VPS37A: variants seen among roughly 807,000 people sequenced by gnomAD.
VPS37A encodes the protein vacuolar protein sorting-associated protein 37A.
Under a neutral mutation model 49.8 loss-of-function variants are expected in VPS37A, and 30 were observed. The ratio of observed to expected loss-of-function variants is 0.60; its 90% CI spans 0.45 to 0.82. The LOEUF is 0.82. VPS37A is among the 40% of genes least tolerant of loss of function. The probability of loss-of-function intolerance (pLI) is 0.00; values close to 1 mark genes in which losing one functional copy is unlikely to be tolerated. For missense variants in VPS37A, 593 were observed against 464.4 expected (o/e 1.28, Z -2.55); for synonymous variants, 195 against 160.6 (o/e 1.21, Z -1.62).
At chr8:17,302,977 C>G (rs1321265068), downstream of VPS37A, among the ~76,000 whole-genome samples, 1 of 152,046 alleles carries the variant, frequency 6.6e-6, no homozygotes, top group Non-Finnish European at 1.5e-5. Context: ...TCCCAAAGTG[C>G]TGGGATTATA....
chr8:17,326,531 G>C, the VPS37A span: 1 of 152,178 alleles, frequency 6.6e-6, no homozygotes, highest in Non-Finnish European at 1.5e-5. Context: ...ATGATAAAAA[G>C]TGCTAGGTTA....
At chr8:17,274,991 A>G (rs756126698) in intron 5 of VPS37A, 33 bp downstream of exon 5, 3 of 1,585,724 alleles carry the variant, frequency 1.9e-6, no homozygotes, top group Non-Finnish European at 2.6e-6. Context: ...ATTTTGTGCC[A>G]CTGAAACATT....
At chr8:17,306,166 G>C (rs770178033), downstream of VPS37A, among the ~76,000 whole-genome samples, 1 of 152,042 alleles carries the variant, frequency 6.6e-6, no homozygotes, top group East Asian at 1.9e-4. Flanking sequence ...GAAGGGATGC[G>C]TTCACGTTAT....
At chr8:17,285,431 G>C (rs1815500622) in intron 10 of VPS37A, among the ~76,000 whole-genome samples, 1 of 152,134 alleles carries the variant, frequency 6.6e-6, no homozygotes, top group Admixed American at 6.5e-5. Flanking sequence ...TGATATTTCT[G>C]TTGTATTTAA....
Position 17,267,893 on chromosome 8 carries a change from T to G in VPS37A, c.201-365T>G, listed in dbSNP as rs114440578. On this transcript the variant is annotated intron_variant, in intron 2 of 11. Coordinates refer to ENST00000324849, the MANE Select transcript of VPS37A (RefSeq NM_152415.3). Reference sequence around the variant, plus strand: ...TGGCTAGAACCTGTGGTCCAATAAATAGCCAGACTGGACTAGTATGGTTCA... The same window carrying G: ...TGGCTAGAACCTGTGGTCCAATAAAGAGCCAGACTGGACTAGTATGGTTCA... Among the ~76,000 whole-genome samples the G allele has an allele frequency of 1.0e-3, 155 of 152,290 alleles. 1 individual carries two copies. The highest frequency in any genetic ancestry group is 3.6e-3 in the African/African-American group (150 of 41,562).
chr8:17,252,433 C>T (rs1363258045), intron 1 of VPS37A, among the ~76,000 whole-genome samples: 1 of 152,172 alleles, frequency 6.6e-6, no homozygotes, highest in Non-Finnish European at 1.5e-5. Context: ...CTGGCTTGGC[C>T]TCCCAAAGTG....
At chr8:17,288,392 C>T (rs559495525) in intron 11 of VPS37A, among the ~76,000 whole-genome samples, 1 of 152,244 alleles carries the variant, frequency 6.6e-6, no homozygotes, top group East Asian at 1.9e-4. Flanking sequence ...CCCCAACAGG[C>T]TCCAGTGTGT....
the VPS37A span, among the ~76,000 whole-genome samples, chr8:17,325,339 G>T: frequency 1.3e-5 from 2 of 152,096 alleles, no homozygotes; most frequent in East Asian, 1.9e-4. Context: ...TTTCCACACC[G>T]AATGAAGATT....
At chr8:17,302,434 C>T, downstream of VPS37A, 4 of 767,256 alleles carry the variant, frequency 5.2e-6, no homozygotes, top group Non-Finnish European at 7.8e-6. Flanking sequence ...GTAATAATTT[C>T]ATGTTGATGT....
downstream of VPS37A, among the ~76,000 whole-genome samples, chr8:17,303,835 C>G (rs1225883460): frequency 1.3e-5 from 2 of 152,128 alleles, no homozygotes; most frequent in African/African-American, 4.8e-5. Flanking sequence ...GTCTTGAACT[C>G]CTGACCTAGG....
At chr8:17,313,994 G>T in the VPS37A span, among the ~76,000 whole-genome samples, 2 of 152,312 alleles carry the variant, frequency 1.3e-5, no homozygotes, top group East Asian at 3.9e-4. Context: ...GAGCATCAGG[G>T]TAGAGGCTTT....
Position 17,280,042 on chromosome 8 carries a change from C to G in VPS37A, c.728C>G (p.Thr243Arg). ...ELSELSVSQL[T>R]DMNEQEEVLL... ...TGTGTTTCTAGTGTGTCACAACTCA[C>G]AGATATGAATGAACAAGAGGAGGTA... is the stretch of plus-strand genomic sequence containing the variant. The change falls in exon 7 of 12, where the codon ACA (threonine) becomes AGA (arginine). Residue 243 changes from threonine to arginine, a missense_variant. Coordinates refer to ENST00000324849, the MANE Select transcript of VPS37A (RefSeq NM_152415.3). The G allele has an allele frequency of 6.2e-7, 1 of 1,610,814 alleles. No homozygotes were observed. The highest frequency in any genetic ancestry group is 8.5e-7 in the Non-Finnish European group (1 of 1,178,572).
intron 4 of VPS37A, among the ~76,000 whole-genome samples, chr8:17,273,593 C>G (rs1167445616): frequency 2.0e-5 from 3 of 152,076 alleles, no homozygotes; most frequent in South Asian, 2.1e-4. Context: ...GTCTCGATCC[C>G]CTGACCTCAT....
At chr8:17,298,032 T>C (rs367807613), downstream of VPS37A, 10 of 152,214 alleles carry the variant, frequency 6.6e-5, no homozygotes, top group African/African-American at 2.4e-4. Flanking sequence ...ATAGATACTT[T>C]GTCATTTTTT....
the VPS37A span, among the ~76,000 whole-genome samples, chr8:17,319,328 A>G: frequency 3.9e-5 from 6 of 152,200 alleles, no homozygotes; most frequent in African/African-American, 7.2e-5. Context: ...CATAAAGAAG[A>G]TTCCCGAAAA....
At chr8:17,313,771 G>A in the VPS37A span, among the ~76,000 whole-genome samples, 10 of 152,124 alleles carry the variant, frequency 6.6e-5, no homozygotes, top group African/African-American at 2.4e-4. Flanking sequence ...GTGCTATGAG[G>A]AAAAAAATCA....
Position 17,280,386 on chromosome 8 carries a change from T to C in VPS37A, c.912T>C (p.Leu304=), listed in dbSNP as rs960102647. The C allele has an allele frequency of 7.5e-6, 12 of 1,609,600 alleles. No homozygotes were observed. Among genetic ancestry groups the C allele is most frequent in the Non-Finnish European group, 1.0e-5 (12 of 1,178,580 alleles). Residue 304 remains leucine, a synonymous_variant, in exon 9 of 12, where the codon CTT becomes CTC. Coordinates refer to ENST00000324849, the MANE Select transcript of VPS37A (RefSeq NM_152415.3). ...ATTTTCTCTTTTAGTATGAATTACT[T>C]ACACAGATGAAGTCCACTTTCGAAA... The part of the protein sequence containing the change: ...RQTVLDKYEL[L]TQMKSTFEKK...
chr8:17,254,046 ATCT>A (rs1205088224), intron 1 of VPS37A, among the ~76,000 whole-genome samples: 1 of 152,042 alleles, frequency 6.6e-6, no homozygotes, highest in Non-Finnish European at 1.5e-5. Context: ...ATTTATAGTC[ATCT>A]TGTCTTTGCT....
In VPS37A at chr8:17,280,304, T is replaced by C. The variant is rs987601069; in HGVS notation, c.900+7T>C. 5.6e-6 allele frequency: 9 copies of C among 1,609,716 alleles called. No homozygotes were observed. The highest frequency in any genetic ancestry group is 7.6e-6 in the Non-Finnish European group (9 of 1,178,542). ...ACAAACTGTTTTAGATAAGGTGAGT[T>C]AGTGATAATTTTGAAGAAATTTACA... is the stretch of plus-strand genomic sequence containing the variant. On this transcript the variant is annotated splice_region_variant and intron_variant, in intron 8 of 11. Transcript: ENST00000324849.
Sources: allele counts gnomAD v4.1 joint callset (sites outside exome capture counted in the v4.1 genomes callset), GRCh38; gene constraint gnomAD v4.1.1; transcripts MANE v1.5; gene names NCBI Gene and HGNC (gene_info 2026-07-23, HGNC 2026-07-21).